The following ZNF728 variants were observed in gnomAD, a reference collection of about 807,000 sequenced individuals.
ZNF728 encodes zinc finger protein 728.
A neutral mutation model predicts 12.5 loss-of-function variants in ZNF728; 12 were observed. That is an observed-to-expected ratio of 0.96 (90% CI 0.61 to 1.55). ZNF728 has a LOEUF of 1.55. Ranked by LOEUF, ZNF728 falls within the 40% of genes most tolerant of loss-of-function variation. The pLI, the probability that ZNF728 is intolerant of heterozygous loss-of-function variation, is 0.00. For missense variants in ZNF728, 692 were observed against 719.2 expected (o/e 0.96, Z 0.43); for synonymous variants, 205 against 240.7 (o/e 0.85, Z 1.37).
intron 1 of ZNF728, among the ~76,000 whole-genome samples, chr19:22,991,260 T>G (rs1007772390): frequency 6.6e-6 from 1 of 152,248 alleles, no homozygotes; most frequent in Non-Finnish European, 1.5e-5. Context: ...TTATGTGATG[T>G]TACAGAGTGC....
intron 3 of ZNF728, among the ~76,000 whole-genome samples, chr19:22,980,850 G>T (rs775291900): frequency 9.2e-5 from 14 of 152,084 alleles, no homozygotes; most frequent in Non-Finnish European, 2.1e-4. Context: ...CAACATACCA[G>T]AATCTCTGGG....
At chr19:23,000,460 T>A (rs1403946414) in intron 1 of ZNF728, among the ~76,000 whole-genome samples, 2 of 152,148 alleles carry the variant, frequency 1.3e-5, no homozygotes, top group African/African-American at 4.8e-5. Context: ...ATGAGAATTT[T>A]CAACAAATAA....
Position 22,975,353 on chromosome 19 carries a change from T to C in ZNF728, c.*115A>G. 1.1e-6 allele frequency: 1 copy of C among 940,022 alleles called. No homozygotes were observed. The allele number at this position is 940,022 out of a possible 1,614,324, so 58.2% of individuals were successfully genotyped here. ...GAATTACCTTATGTTTAGTAAGGAT[T>C]GAGGAACAGTTAAAAAATTTGCCAC... On this transcript the variant is annotated 3_prime_UTR_variant, in exon 4 of 4. Transcript: ENST00000594710.
At position 22,976,925 on chromosome 19, in the gene ZNF728, T is replaced by C. The variant is rs1968811188; in HGVS notation, c.412A>G (p.Thr138Ala). Residue 138 changes from threonine (T) to alanine (A), a missense_variant, in exon 4 of 4, where the codon ACA (threonine) becomes GCA (alanine). Around this residue, in one of 3 missense-constraint regions of ZNF728, gnomAD observed 440 missense variants for 459.6 expected, o/e 0.96. Transcript: ENST00000594710. ...TGAAATACTTTGCTTTGTGTAGTTG[T>C]CAAACTCTGGTTAAGCTTATTATAA... ...KGYNKLNQSL[T>A]TTQSKVFQCG... 6.2e-7 allele frequency: 1 copy of C among 1,613,438 alleles called. No homozygotes were observed.
chr19:22,986,901 AATGAT>A (rs1349845320), intron 3 of ZNF728, among the ~76,000 whole-genome samples: 3 of 152,192 alleles, frequency 2.0e-5, no homozygotes, highest in Non-Finnish European at 4.4e-5. Flanking sequence ...AAAAACACCC[AATGAT>A]ACAGAAACCA....
chr19:22,984,577 TACACACACACAC>T (rs57794293), intron 3 of ZNF728, among the ~76,000 whole-genome samples: 44 of 109,248 alleles, frequency 4.0e-4, no homozygotes, highest in South Asian at 1.9e-3. Flanking sequence ...AAAAAAAAAA[TACACACACACAC>T]ACACACACAC....
At chr19:22,984,832 AAATAAT>A (rs553980900) in intron 3 of ZNF728, among the ~76,000 whole-genome samples, 2 of 151,936 alleles carry the variant, frequency 1.3e-5, no homozygotes, top group East Asian at 3.9e-4. Context: ...AACAATCTTA[AAATAAT>A]AATAATAATA....
At chr19:22,990,270 G>A (rs1599531358) in intron 1 of ZNF728, among the ~76,000 whole-genome samples, 1 of 151,448 alleles carries the variant, frequency 6.6e-6, no homozygotes, top group Non-Finnish European at 1.5e-5. Flanking sequence ...AAAAAAAAAA[G>A]GTCATTTTTT....
At chr19:22,996,235 T>G (rs1969049186) in intron 1 of ZNF728, among the ~76,000 whole-genome samples, 1 of 140,440 alleles carries the variant, frequency 7.1e-6, no homozygotes, top group South Asian at 2.1e-4. Flanking sequence ...TTAAAATAAC[T>G]AAGGAATTCA....
At chr19:22,989,841 G>A (rs1220745048) in intron 1 of ZNF728, among the ~76,000 whole-genome samples, 2 of 152,166 alleles carry the variant, frequency 1.3e-5, no homozygotes, top group Non-Finnish European at 2.9e-5. Flanking sequence ...GCTTCAATGA[G>A]TGGTTTCTTA....
intron 1 of ZNF728, among the ~76,000 whole-genome samples, chr19:22,994,813 T>C (rs1034935944): frequency 1.3e-5 from 2 of 152,212 alleles, no homozygotes; most frequent in African/African-American, 4.8e-5. Flanking sequence ...CCCTGAGCAC[T>C]GGGCTTGAGT....
chr19:22,999,660 A>C (rs1400655127), intron 1 of ZNF728, among the ~76,000 whole-genome samples: 1 of 152,140 alleles, frequency 6.6e-6, no homozygotes, highest in East Asian at 2.0e-4. Context: ...CATATAAGAA[A>C]ATTTTAAGGT....
intron 3 of ZNF728, among the ~76,000 whole-genome samples, chr19:22,985,168 A>G (rs289306): frequency 0.14 from 21,027 of 152,214 alleles, 2,365 homozygotes; most frequent in African/African-American, 0.31. Context: ...AAATCTTGAT[A>G]ACATTATGCA....
intron 3 of ZNF728, among the ~76,000 whole-genome samples, chr19:22,980,733 C>G (rs1968853045): frequency 6.6e-6 from 1 of 152,122 alleles, no homozygotes; most frequent in Admixed American, 6.6e-5. Flanking sequence ...TCACCCAAAA[C>G]CACACAACAT....
chr19:23,000,880 AAAAAACC>A (rs1301052193), intron 1 of ZNF728, among the ~76,000 whole-genome samples: 1 of 118,106 alleles, frequency 8.5e-6, no homozygotes, highest in African/African-American at 5.6e-5. Context: ...AAAAAAAAAA[AAAAAACC>A]AAAAAAAAAA....
intron 1 of ZNF728, chr19:22,995,882 G>C (rs1969044871): frequency 1.3e-5 from 2 of 152,252 alleles, no homozygotes; most frequent in South Asian, 4.1e-4. Flanking sequence ...TAATATAGTA[G>C]AATATATTAG....
At chr19:22,988,286 T>C (rs771844586) in intron 2 of ZNF728, 39 bp downstream of exon 2, 24 of 1,613,514 alleles carry the variant, frequency 1.5e-5, no homozygotes, top group Admixed American at 3.3e-5. Context: ...ATGAAACCTA[T>C]AGTGTATACT....
chr19:22,975,844 T>A lies in ZNF728; in HGVS notation c.1493A>T (p.His498Leu). 1 of 1,612,574 alleles carries A rather than the reference T, an allele frequency of 6.2e-7. No homozygotes were observed. Among genetic ancestry groups the A allele is most frequent in the Non-Finnish European group, 8.5e-7 (1 of 1,179,404 alleles). The change falls in exon 4 of 4, where the codon CAT becomes CTT. Residue 498 changes from histidine to leucine, a missense_variant. By Grantham distance (99) the His-to-Leu change is moderately conservative (BLOSUM62 -3). Coordinates refer to ENST00000594710, the MANE Select transcript of ZNF728 (RefSeq NM_001267716.2). Reference sequence around the variant, plus strand: ...TTTCTCTCCAGTATGAATTCTCTTATGTTCCATAAGGTTTGAGGACCACTT... The same window carrying A: ...TTTCTCTCCAGTATGAATTCTCTTAAGTTCCATAAGGTTTGAGGACCACTT... ...AFKWSSNLME[H>L]KRIHTGEKPY...
chr19:22,985,358 G>T (rs972349839), intron 3 of ZNF728, among the ~76,000 whole-genome samples: 5 of 152,160 alleles, frequency 3.3e-5, no homozygotes, highest in Non-Finnish European at 7.3e-5. Flanking sequence ...CAGGCAGCAT[G>T]GTTAATATCT....
Sources: gnomAD v4.1 joint callset for allele counts (sites outside exome capture counted in the v4.1 genomes callset) on GRCh38, gnomAD v4.1.1 for gene constraint, gnomAD v4.1.1 regional missense constraint, MANE v1.5 for transcripts, NCBI Gene and HGNC (gene_info 2026-07-23, HGNC 2026-07-21) for gene names.